Variants in ZNF704 observed in about 807,000 individuals in gnomAD.
ZNF704 encodes the protein zinc finger protein 704.
In ZNF704, 10 loss-of-function variants were observed where a neutral mutation model predicts 44.7. The observed-to-expected ratio is 0.22, with a 90% CI of 0.14 to 0.38. The LOEUF is 0.38. ZNF704 is among the 10% of genes least tolerant of loss of function. The pLI, the probability that ZNF704 is intolerant of heterozygous loss-of-function variation, is 1.00. For missense variants in ZNF704, 390 were observed against 545.5 expected (o/e 0.71, Z 2.84); for synonymous variants, 211 against 207.6 (o/e 1.02, Z -0.14).
intron 1 of ZNF704, among the ~76,000 whole-genome samples, chr8:80,847,515 A>G (rs1043132665): frequency 6.6e-6 from 1 of 152,234 alleles, no homozygotes; most frequent in Non-Finnish European, 1.5e-5. Flanking sequence ...TAGAAAAACT[A>G]AAACAATTTT....
chr8:80,666,101 C>G lies in ZNF704; in HGVS notation c.660-1019G>C, dbSNP rs1348493578. On this transcript the variant is annotated intron_variant, in intron 5 of 8. Transcript: ENST00000327835. ...CTAGCATTAGGTATATCTCCCAACG[C>G]TATCCCTTCCCCCGCCCCCCACCCC... 2.7e-5 allele frequency among the ~76,000 whole-genome samples: 4 copies of G among 150,656 alleles called. No individual in the cohort carries two copies. The East Asian group carries it at 7.8e-4, about 29-fold the overall frequency.
intron 6 of ZNF704, 41 bp from the exon 7 acceptor site, chr8:80,659,730 T>G: frequency 2.0e-6 from 3 of 1,483,348 alleles, no homozygotes; most frequent in Non-Finnish European, 2.8e-6. Flanking sequence ...TGAAGGAATA[T>G]TTTCCTTCGG....
intron 6 of ZNF704, 34 bp from the exon 7 acceptor site, chr8:80,659,723 A>G: frequency 6.3e-7 from 1 of 1,598,614 alleles, no homozygotes; most frequent in Non-Finnish European, 8.6e-7. Flanking sequence ...GCTGTTATGA[A>G]GGAATATTTT....
intron 2 of ZNF704, among the ~76,000 whole-genome samples, chr8:80,764,405 G>A (rs1235893473): frequency 6.6e-6 from 1 of 152,106 alleles, no homozygotes; most frequent in Non-Finnish European, 1.5e-5. Context: ...AATCCCAGAT[G>A]CTTATAAAAC....
At chr8:80,714,024 G>C (rs1455299444) in intron 2 of ZNF704, among the ~76,000 whole-genome samples, 1 of 152,192 alleles carries the variant, frequency 6.6e-6, no homozygotes, top group Non-Finnish European at 1.5e-5. Flanking sequence ...AATACCAGCT[G>C]TCTTGGGTGT....
upstream of ZNF704, among the ~76,000 whole-genome samples, chr8:80,876,199 A>G (rs564383327): frequency 2.6e-5 from 4 of 152,308 alleles, no homozygotes; most frequent in South Asian, 8.3e-4. Context: ...AACCCCATTT[A>G]GATCACACCA....
At chr8:80,822,089 T>A (rs1010570001) in intron 1 of ZNF704, among the ~76,000 whole-genome samples, 1 of 152,170 alleles carries the variant, frequency 6.6e-6, no homozygotes, top group Non-Finnish European at 1.5e-5. Flanking sequence ...TTATCCTTCA[T>A]CCCCAACAGT....
intron 2 of ZNF704, among the ~76,000 whole-genome samples, chr8:80,764,719 G>T (rs934535226): frequency 6.6e-6 from 1 of 152,170 alleles, no homozygotes; most frequent in African/African-American, 2.4e-5. Flanking sequence ...GTAATTAAGT[G>T]ATTTTCTGCT....
chr8:80,752,254 T>G (rs1806956419), intron 2 of ZNF704, among the ~76,000 whole-genome samples: 1 of 151,340 alleles, frequency 6.6e-6, no homozygotes, highest in Non-Finnish European at 1.5e-5. Flanking sequence ...AAAAGCCAAA[T>G]CAACATTGAT....
Position 80,687,211 on chromosome 8 carries a change from T to C in ZNF704, c.558+15A>G. 2 of 1,604,928 alleles carry C rather than the reference T, an allele frequency of 1.2e-6. No homozygotes were observed. On this transcript the variant is annotated intron_variant, in intron 4 of 8. Transcript: ENST00000327835. ...AGGAAACTGAATGCAGAAGACCGCG[T>C]GGCTGACCACCAACCTTTCTTTTCC...
intron 2 of ZNF704, among the ~76,000 whole-genome samples, chr8:80,804,679 G>A (rs1486198505): frequency 6.6e-6 from 1 of 152,136 alleles, no homozygotes; most frequent in Non-Finnish European, 1.5e-5. Context: ...GCCTGTCAGA[G>A]TGGGAGGTGG....
intron 1 of ZNF704, among the ~76,000 whole-genome samples, chr8:80,862,697 G>A (rs1211154622): frequency 4.1e-5 from 6 of 146,592 alleles, no homozygotes; most frequent in South Asian, 2.2e-4. Flanking sequence ...CCCAGGAGGC[G>A]GAGGTTGCAG....
intron 1 of ZNF704, among the ~76,000 whole-genome samples, chr8:80,859,973 G>T (rs1809031385): frequency 6.6e-6 from 1 of 152,114 alleles, no homozygotes; most frequent in Non-Finnish European, 1.5e-5. Flanking sequence ...TCCTTCACTG[G>T]ATGAGGCTAA....
At chr8:80,747,297 C>G (rs905137670) in intron 2 of ZNF704, among the ~76,000 whole-genome samples, 7 of 152,010 alleles carry the variant, frequency 4.6e-5, no homozygotes, top group African/African-American at 1.7e-4. Context: ...ACCCACCAAA[C>G]ATTTAATAAT....
At chr8:80,741,948 A>T (rs980509082) in intron 2 of ZNF704, among the ~76,000 whole-genome samples, 1 of 152,214 alleles carries the variant, frequency 6.6e-6, no homozygotes, top group African/African-American at 2.4e-5. Flanking sequence ...GAATTAGGAA[A>T]AGGAAAAATG....
At chr8:80,678,212 T>C (rs1418367450) in intron 4 of ZNF704, among the ~76,000 whole-genome samples, 1 of 152,234 alleles carries the variant, frequency 6.6e-6, no homozygotes, top group Non-Finnish European at 1.5e-5. Flanking sequence ...AAAGTTGCTG[T>C]GGATTTGCAA....
At chr8:80,874,931 A>C (rs1446257696), upstream of ZNF704, 2 of 151,878 alleles carry the variant, frequency 1.3e-5, no homozygotes, top group African/African-American at 2.4e-5. The surrounding 1 kb of genome is among the most constrained non-coding windows in gnomAD (Gnocchi z 4.4). Context: ...CCTGCGATTG[A>C]GCTGCCTTGG....
rs191495048 is a variant in ZNF704, at chr8:80,760,062, T to G, written c.221+61312A>C. On this transcript the variant is annotated intron_variant, in intron 2 of 8. Transcript: ENST00000327835. ...ATGAACCATTGCATCCAGCCCTGGC[T>G]GACACTTTAACTTTAGGCCCATGAG... Among the ~76,000 whole-genome samples, 8 of 152,304 alleles carry G rather than the reference T, an allele frequency of 5.3e-5. No homozygotes were observed. In the East Asian group the frequency reaches 1.5e-3, roughly 29 times the overall value.
rs932545826 is a variant in ZNF704 at position 80,632,223 on chromosome 8, A to C, written c.*9143T>G. On this transcript the variant is annotated 3_prime_UTR_variant, in exon 9 of 9. Coordinates refer to ENST00000327835, the MANE Select transcript of ZNF704 (RefSeq NM_001033723.3). ...TAGTCTCACCCCAGGTGCAGCAGTG[A>C]AATCTTGGCTCACTGCAACCTCTGC... 3 of 152,208 alleles carry C rather than the reference A, an allele frequency of 2.0e-5. No homozygotes were observed. Among genetic ancestry groups the C allele is most frequent in the African/African-American group, 7.2e-5 (3 of 41,450 alleles). The allele number at this position is 152,208 out of a possible 1,614,324, so 9.4% of individuals were successfully genotyped here. A position where few individuals can be genotyped will look rare whatever the true frequency, so the allele number is the denominator to read the frequency against.
Sources: allele counts gnomAD v4.1 joint callset (sites outside exome capture counted in the v4.1 genomes callset), GRCh38; gene constraint gnomAD v4.1.1; non-coding constraint Gnocchi (gnomAD v3.1); transcripts MANE v1.5; gene names NCBI Gene and HGNC (gene_info 2026-07-23, HGNC 2026-07-21).